Variants in ZZZ3 observed in about 807,000 individuals in gnomAD.
ZZZ3 encodes zinc finger ZZ-type containing 3, also known as ZZ-type zinc finger-containing protein 3.
In ZZZ3, 22 loss-of-function variants were observed where a neutral mutation model predicts 95.2. The ratio of observed to expected loss-of-function variants is 0.23; its 90% CI spans 0.17 to 0.33. The LOEUF (loss-of-function observed/expected upper bound fraction) is 0.33. Ranked by LOEUF, ZZZ3 falls within the 10% of genes least tolerant of loss-of-function variation. ZZZ3 has a pLI of 1.00. For synonymous variants in ZZZ3, 335 were observed against 358.9 expected, an observed-to-expected ratio of 0.93 and a Z score of 0.75; for missense variants, 885 against 1,066.5, an observed-to-expected ratio of 0.83 and a Z score of 2.37.
At chr1:77,635,721 C>A (rs984522170) in intron 4 of ZZZ3, among the ~76,000 whole-genome samples, 1 of 152,154 alleles carries the variant, frequency 6.6e-6, no homozygotes, top group South Asian at 2.1e-4. Context: ...GCCTGGCCAA[C>A]ATGGTGAAAC....
chr1:77,605,210 G>A (rs980284727), intron 5 of ZZZ3, among the ~76,000 whole-genome samples: 1 of 152,184 alleles, frequency 6.6e-6, no homozygotes, highest in Non-Finnish European at 1.5e-5. Flanking sequence ...ACAAGGCACA[G>A]AGAGAAAATC....
rs143142922 is a variant in ZZZ3 at position 77,639,698 on chromosome 1, A to G, written c.-205-96T>C. 7.6e-4 allele frequency: 270 copies of G among 355,722 alleles called. 2 individuals are homozygous for G. In the East Asian group the frequency reaches 9.8e-3, roughly 13 times the overall value. 22.0% of individuals were successfully genotyped at this position (355,722 alleles called of 1,614,324 possible). A position where few individuals can be genotyped will look rare whatever the true frequency, so the allele number is the denominator to read the frequency against. ...CTATAATAAGAAGAAATACAGGTAC[A>G]GAAACTGTTCATAGTGACATCTTTC... On this transcript the variant is annotated intron_variant, in intron 3 of 14. Coordinates refer to ENST00000370801, the MANE Select transcript of ZZZ3 (RefSeq NM_015534.6).
intron 5 of ZZZ3, among the ~76,000 whole-genome samples, chr1:77,621,720 G>A (rs1444701660): frequency 1.3e-5 from 2 of 151,882 alleles, no homozygotes; most frequent in African/African-American, 4.8e-5. Flanking sequence ...GGGAAGCCAA[G>A]GCAGGAGGAT....
rs1169094674 is a variant in ZZZ3 at position 77,570,025 on chromosome 1, A to G, written c.2332-1559T>C. Among the ~76,000 whole-genome samples the G allele has an allele frequency of 2.6e-5, 4 of 152,234 alleles. No individual in the cohort carries two copies. In the East Asian group the frequency reaches 7.7e-4, roughly 29 times the overall value. The stretch of plus-strand genomic sequence containing the variant: ...CCTGCTACATTAGGTATTAAGTGCT[A>G]TGTTTATTTTATATCAAGTAAACAA... On this transcript the variant is annotated intron_variant, in intron 12 of 14. Transcript: ENST00000370801.
intron 5 of ZZZ3, among the ~76,000 whole-genome samples, chr1:77,619,720 C>G (rs951875039): frequency 1.3e-5 from 2 of 152,076 alleles, no homozygotes; most frequent in African/African-American, 4.8e-5. Flanking sequence ...AGGTAACAAA[C>G]TCGGACAACT....
At chr1:77,647,435 C>T (rs994399840) in intron 1 of ZZZ3, among the ~76,000 whole-genome samples, 2 of 151,770 alleles carry the variant, frequency 1.3e-5, no homozygotes, top group Non-Finnish European at 2.9e-5. Context: ...ATGAGAATCG[C>T]TTAAACCCGG....
At chr1:77,675,836 A>C (rs866937390) in intron 1 of ZZZ3, among the ~76,000 whole-genome samples, 6 of 152,222 alleles carry the variant, frequency 3.9e-5, no homozygotes, top group Middle Eastern at 6.8e-3. Flanking sequence ...GCATCATAGT[A>C]AACAGTAAGC....
Position 77,639,486 on chromosome 1 carries a change from CTCT to C in ZZZ3, c.-92_-90del. 6.6e-7 allele frequency: 1 copy of C among 1,508,832 alleles called. No individual in the cohort carries two copies. The highest frequency in any genetic ancestry group is 8.9e-7 in the Non-Finnish European group (1 of 1,127,792). 93.5% of individuals were successfully genotyped at this position (1,508,832 alleles called of 1,614,324 possible). A position where few individuals can be genotyped will look rare whatever the true frequency, so the allele number is the denominator to read the frequency against. ...AGATCTATCATTGTGGAAATATAAT[CTCT>C]TTTCCTTATATCCTGAAGGAGTTGG... On this transcript the variant is annotated 5_prime_UTR_variant, in exon 4 of 15. Coordinates refer to ENST00000370801, the MANE Select transcript of ZZZ3 (RefSeq NM_015534.6).
chr1:77,607,681 T>A (rs1053276946), intron 5 of ZZZ3, among the ~76,000 whole-genome samples: 2 of 152,184 alleles, frequency 1.3e-5, no homozygotes, highest in Admixed American at 6.5e-5. Context: ...CCCAGCACTT[T>A]GGGAGGCCGA....
intron 1 of ZZZ3, among the ~76,000 whole-genome samples, chr1:77,666,527 T>C (rs1671264251): frequency 6.6e-6 from 1 of 152,136 alleles, no homozygotes; most frequent in African/African-American, 2.4e-5. Context: ...AGAGCCAGAC[T>C]CCATCTCAAA....
At chr1:77,648,412 A>G (rs1169930932) in intron 1 of ZZZ3, among the ~76,000 whole-genome samples, 2 of 151,998 alleles carry the variant, frequency 1.3e-5, no homozygotes, top group African/African-American at 4.8e-5. Context: ...AATGAGAAAA[A>G]GCAATCGACA....
chr1:77,581,603 T>TAAGTCTAGTAAGTC (rs1662537988), intron 8 of ZZZ3, among the ~76,000 whole-genome samples, 173 bp downstream of exon 8: 1 of 152,196 alleles, frequency 6.6e-6, no homozygotes, highest in Non-Finnish European at 1.5e-5. Context: ...TGTCTGAAGG[T>TAAGTCTAGTAAGTC]TCACGGCTAG....
chr1:77,638,683 A>T (rs1388577945), intron 4 of ZZZ3, among the ~76,000 whole-genome samples: 1 of 152,162 alleles, frequency 6.6e-6, no homozygotes, highest in East Asian at 1.9e-4. Context: ...TTAAGTGAAA[A>T]ATTTTTAGTA....
chr1:77,650,954 CATA>C (rs1366288061), intron 1 of ZZZ3, among the ~76,000 whole-genome samples: 1 of 152,108 alleles, frequency 6.6e-6, no homozygotes, highest in East Asian at 1.9e-4. Context: ...TCATTGAGGA[CATA>C]ATAATCTTTC....
chr1:77,659,866 C>A (rs992538241), intron 1 of ZZZ3, among the ~76,000 whole-genome samples: 1 of 151,992 alleles, frequency 6.6e-6, no homozygotes, highest in Non-Finnish European at 1.5e-5. Flanking sequence ...GGATCTCACT[C>A]TTGTCACCCA....
At chr1:77,622,091 G>A (rs1306896407) in intron 5 of ZZZ3, among the ~76,000 whole-genome samples, 1 of 149,282 alleles carries the variant, frequency 6.7e-6, no homozygotes, top group African/African-American at 2.5e-5. Flanking sequence ...AAAGAGGCCA[G>A]GAGTTCAAAA....
intron 12 of ZZZ3, among the ~76,000 whole-genome samples, chr1:77,572,637 CTTTT>C (rs553659215): frequency 1.3e-5 from 2 of 151,492 alleles, no homozygotes; most frequent in Admixed American, 1.3e-4. Context: ...TGCGCCCGGC[CTTTT>C]TGTTTGTTTT....
chr1:77,656,147 C>G (rs1277375168), intron 1 of ZZZ3, among the ~76,000 whole-genome samples: 1 of 152,144 alleles, frequency 6.6e-6, no homozygotes, highest in Non-Finnish European at 1.5e-5. Flanking sequence ...TACAGTTTTC[C>G]TCACAACAAT....
At chr1:77,626,226 C>G (rs1409348715) in intron 5 of ZZZ3, among the ~76,000 whole-genome samples, 1 of 152,160 alleles carries the variant, frequency 6.6e-6, no homozygotes, top group Non-Finnish European at 1.5e-5. Context: ...CTTTTTGGCA[C>G]TGGGAACTGG....
Sources: allele counts gnomAD v4.1 joint callset (sites outside exome capture counted in the v4.1 genomes callset), GRCh38; gene constraint gnomAD v4.1.1; transcripts MANE v1.5; gene names NCBI Gene and HGNC (gene_info 2026-07-23, HGNC 2026-07-21).